C10orf90: variants seen among roughly 807,000 people sequenced by gnomAD.
The protein encoded by C10orf90 is chromosome 10 open reading frame 90, also known as (E2-independent) E3 ubiquitin-conjugating enzyme FATS.
A neutral mutation model predicts 62.5 loss-of-function variants in C10orf90; 56 were observed. The ratio of observed to expected loss-of-function variants is 0.90; its 90% confidence interval spans 0.72 to 1.12. The LOEUF (loss-of-function observed/expected upper bound fraction) is 1.12. Among genes scored for constraint, C10orf90 ranks in the 50% most tolerant of loss-of-function variants. C10orf90 has a pLI of 0.00. For missense variants in C10orf90, 970 were observed against 880.4 expected, an observed-to-expected ratio of 1.10 and a Z score of -1.29; for synonymous variants, 386 against 340.4, an observed-to-expected ratio of 1.13 and a Z score of -1.47.
rs61226052 is a variant in C10orf90 at position 126,627,000 on chromosome 10, C to CTTTTT, written c.313+19560_313+19564dup. Among the ~76,000 whole-genome samples, 121 of 119,488 alleles carry CTTTTT rather than the reference C, an allele frequency of 1.0e-3. 2 individuals are homozygous for CTTTTT. Among genetic ancestry groups the CTTTTT allele is most frequent in the African/African-American group, 1.6e-3 (51 of 31,870 alleles). The allele number at this position is 119,488 out of a possible 152,430, so 78.4% of individuals were successfully genotyped here. On this transcript the variant is annotated intron_variant, in intron 2 of 9. Transcript: ENST00000488181. ...AGATTTTTCTTTTTCTTTTTCTTTTCTTTTTTTTTTTTTTTTTGAGACGTA... is the reference window on the plus strand; with the variant it reads ...AGATTTTTCTTTTTCTTTTTCTTTTCTTTTTTTTTTTTTTTTTTTTTTGAGACGTA...
chr10:126,660,394 G>C (rs1000482713), intron 1 of C10orf90, among the ~76,000 whole-genome samples: 1 of 152,198 alleles, frequency 6.6e-6, no homozygotes, highest in Non-Finnish European at 1.5e-5. Flanking sequence ...TCTCCTTCTG[G>C]CCTTGAAGAA....
At position 126,431,298 on chromosome 10, in the gene C10orf90, T is replaced by C. The variant is rs529849389; in HGVS notation, c.2189-1448A>G. 4.0e-4 allele frequency among the ~76,000 whole-genome samples: 61 copies of C among 152,084 alleles called. 1 individual carries two copies. In the South Asian group the frequency reaches 7.9e-3, roughly 20 times the overall value. On this transcript the variant is annotated intron_variant, in intron 7 of 9. Coordinates refer to ENST00000488181, the MANE Select transcript of C10orf90 (RefSeq NM_001350921.2). ...CCAGGGTGCAAGGTCACTCCTCTCATAGAAAAATCCCTACACTAGGTATGA... is the reference window on the plus strand; with the variant it reads ...CCAGGGTGCAAGGTCACTCCTCTCACAGAAAAATCCCTACACTAGGTATGA...
chr10:126,502,890 C>A, intron 4 of C10orf90: 1 of 483,424 alleles, frequency 2.1e-6, no homozygotes, highest in Non-Finnish European at 4.1e-6. Context: ...CCAAAATTGC[C>A]TTAAAAATCT....
intron 4 of C10orf90, among the ~76,000 whole-genome samples, chr10:126,494,196 C>G (rs1861915612): frequency 6.6e-6 from 1 of 152,208 alleles, no homozygotes; most frequent in South Asian, 2.1e-4. Flanking sequence ...CGTTCATCTG[C>G]TGAATATACA....
chr10:126,597,408 C>A (rs150749858), intron 2 of C10orf90, among the ~76,000 whole-genome samples: 1 of 152,158 alleles, frequency 6.6e-6, no homozygotes, highest in African/African-American at 2.4e-5. Flanking sequence ...TGAGGAGCTG[C>A]GTGATTGGGG....
chr10:126,462,573 T>C (rs1860056714), intron 5 of C10orf90, among the ~76,000 whole-genome samples: 2 of 152,126 alleles, frequency 1.3e-5, no homozygotes, highest in African/African-American at 4.8e-5. Flanking sequence ...TGGAAGATCA[T>C]ACTTTCACCC....
intron 2 of C10orf90, among the ~76,000 whole-genome samples, chr10:126,609,154 G>C (rs1437826752): frequency 6.6e-6 from 1 of 152,212 alleles, no homozygotes; most frequent in Non-Finnish European, 1.5e-5. Flanking sequence ...TGTAATCCCA[G>C]CACTTTGGGA....
intron 2 of C10orf90, among the ~76,000 whole-genome samples, chr10:126,595,328 C>T (rs1485698957): frequency 6.6e-6 from 1 of 152,212 alleles, no homozygotes; most frequent in Non-Finnish European, 1.5e-5. Flanking sequence ...ATAGGTTGGG[C>T]TTTTCCACTG....
chr10:126,499,611 C>T (rs1591018920), intron 4 of C10orf90, among the ~76,000 whole-genome samples: 1 of 152,200 alleles, frequency 6.6e-6, no homozygotes, highest in East Asian at 1.9e-4. Context: ...GCAGACCATA[C>T]CATCTAAGTG....
At chr10:126,502,084 CCACACAACCACACACACACCA>C (rs1279163458) in intron 4 of C10orf90, among the ~76,000 whole-genome samples, 2 of 146,746 alleles carry the variant, frequency 1.4e-5, no homozygotes, top group African/African-American at 5.1e-5. Context: ...CACACACACA[CCACACAACCACACACACACCA>C]CACACACACA....
intron 4 of C10orf90, among the ~76,000 whole-genome samples, chr10:126,502,156 T>C (rs1456405720): frequency 6.6e-6 from 1 of 151,352 alleles, no homozygotes; most frequent in Non-Finnish European, 1.5e-5. Context: ...AGGTGCAATA[T>C]ACACTACTTG....
At chr10:126,562,371 C>CTA (rs1384787931) in intron 2 of C10orf90, among the ~76,000 whole-genome samples, 2 of 152,322 alleles carry the variant, frequency 1.3e-5, no homozygotes, top group East Asian at 3.9e-4. Flanking sequence ...CAACACTCTG[C>CTA]CTTCTTCCCT....
At chr10:126,518,509 G>C (rs1195167551) in intron 2 of C10orf90, among the ~76,000 whole-genome samples, 1 of 151,962 alleles carries the variant, frequency 6.6e-6, no homozygotes, top group Non-Finnish European at 1.5e-5. Flanking sequence ...TCTCAATGAG[G>C]CTTTTCACCA....
At chr10:126,543,260 T>C (rs1864417775) in intron 2 of C10orf90, among the ~76,000 whole-genome samples, 1 of 152,206 alleles carries the variant, frequency 6.6e-6, no homozygotes, top group African/African-American at 2.4e-5. Context: ...CTGCTAGCTC[T>C]GCCTGCCTGT....
intron 7 of C10orf90, among the ~76,000 whole-genome samples, chr10:126,442,623 T>TTGTGTG (rs1282867966): frequency 2.6e-5 from 3 of 113,348 alleles, no homozygotes; most frequent in African/African-American, 1.1e-4. Context: ...CCTACTATTA[T>TTGTGTG]TGTGTGTGTG....
At position 126,461,502 on chromosome 10, in the gene C10orf90, C is replaced by T; in HGVS notation, c.1909G>A (p.Ala637Thr). 6.2e-7 allele frequency: 1 copy of T among 1,613,986 alleles called. No individual in the cohort carries two copies. The highest frequency in any genetic ancestry group is 8.5e-7 in the Non-Finnish European group (1 of 1,179,980). The change falls in exon 6 of 10, where the codon GCA becomes ACA. Residue 637 changes from alanine (A) to threonine (T), a missense_variant. Physicochemically the swap from Ala to Thr is moderately conservative, Grantham distance 58. Coordinates refer to ENST00000488181, the MANE Select transcript of C10orf90 (RefSeq NM_001350921.2). ...TCGCGGGGTGCTGGCGAGGGTGCTG[C>T]TGGGGAGGGCTCAGGTGTGGTGGGG... The part of the protein sequence containing the change: ...EDPTTPEPSP[A>T]APSPAPRDGA...
At chr10:126,510,383 C>T (rs1025180173) in intron 3 of C10orf90, among the ~76,000 whole-genome samples, 2 of 152,206 alleles carry the variant, frequency 1.3e-5, no homozygotes, top group African/African-American at 4.8e-5. Flanking sequence ...AAAGTAATTA[C>T]ATCTTTTACA....
chr10:126,531,395 C>G (rs915600873), intron 2 of C10orf90, among the ~76,000 whole-genome samples: 1 of 152,142 alleles, frequency 6.6e-6, no homozygotes, highest in Non-Finnish European at 1.5e-5. Flanking sequence ...ATGCACGGGA[C>G]AGCCCCATGA....
chr10:126,656,976 C>T (rs1454277999), intron 1 of C10orf90, among the ~76,000 whole-genome samples: 1 of 152,054 alleles, frequency 6.6e-6, no homozygotes, highest in East Asian at 1.9e-4. Context: ...TCTCACTGTC[C>T]AACAAAAGAA....
Sources: allele counts gnomAD v4.1 joint callset (sites outside exome capture counted in the v4.1 genomes callset), GRCh38; gene constraint gnomAD v4.1.1; transcripts MANE v1.5; gene names NCBI Gene and HGNC (gene_info 2026-07-23, HGNC 2026-07-21).